The following FBXL12 variants were observed in gnomAD, a reference collection of about 807,000 sequenced individuals.
The protein encoded by FBXL12 is F-box/LRR-repeat protein 12.
Under a neutral mutation model 24.9 loss-of-function variants are expected in FBXL12, and 22 were observed. The observed-to-expected ratio is 0.88, with a 90% CI of 0.63 to 1.26. The LOEUF is 1.26. Among genes scored for constraint, FBXL12 ranks in the 50% most tolerant of loss-of-function variants. FBXL12 has a pLI of 0.00. For missense variants in FBXL12, 384 were observed against 434.1 expected (o/e 0.88, Z 1.03); for synonymous variants, 193 against 193.8 (o/e 1.00, Z 0.03).
Position 9,811,282 on chromosome 19 carries a change from G to A in FBXL12, c.595C>T (p.Gln199Ter), listed in dbSNP as rs1390864333. ...AGCCTCTGCAGATAGCTGAGCTCCTGCAGGCCAGCATCCAGCCCTGTCTCG... is the reference window on the plus strand; with the variant it reads ...AGCCTCTGCAGATAGCTGAGCTCCTACAGGCCAGCATCCAGCCCTGTCTCG... ...VTETGLDAGLQELSYLQRLEV... is the reference protein window; with the variant it reads ...VTETGLDAGL The change falls in exon 3 of 3, where the codon CAG (glutamine) becomes TAG (stop). Residue 199 changes from glutamine to a stop codon, truncating the protein, a stop_gained. Transcript: ENST00000247977. LOFTEE classifies it high-confidence loss of function. This position sits in a 1 kb window ranked among gnomAD's most constrained non-coding sequence, Gnocchi z 6.0. 3 of 1,610,124 alleles carry A rather than the reference G, an allele frequency of 1.9e-6. No homozygotes were observed. Among genetic ancestry groups the A allele is most frequent in the Admixed American group, 1.7e-5 (1 of 60,026 alleles).
chr19:9,812,776 A>AC lies in FBXL12; in HGVS notation c.160-1060_160-1059insG, dbSNP rs1015231848. Among the ~76,000 whole-genome samples the AC allele has an allele frequency of 1.8e-4, 27 of 148,436 alleles. No homozygotes were observed. In the South Asian group the frequency reaches 2.1e-3, roughly 11 times the overall value. Reference sequence around the variant, plus strand: ...GTCTATGTTAAAAAAAAAAAAAAAAAAACAACAAATGAAAAGGCTGGGCAC... The same window carrying AC: ...GTCTATGTTAAAAAAAAAAAAAAAAACAACAACAAATGAAAAGGCTGGGCAC... On this transcript the variant is annotated intron_variant, in intron 2 of 2. Transcript: ENST00000247977.
chr19:9,811,204 G>A lies in FBXL12; in HGVS notation c.673C>T (p.Arg225Cys), dbSNP rs140944467. 2,816 of 1,613,204 alleles carry A rather than the reference G, an allele frequency of 1.7e-3. 3 individuals carry two copies. Among genetic ancestry groups the A allele is most frequent in the Middle Eastern group, 3.5e-3 (21 of 6,060 alleles). ...SADSTLLAIS[R>C]HLRDVRKIRL... ...ATCTTGCGCACATCTCGGAGGTGGC[G>A]GCTGATGGCCAGCAGGGTGCTGTCG... is the stretch of plus-strand genomic sequence containing the variant. Residue 225 changes from arginine (R) to cysteine (C), a missense_variant, in exon 3 of 3, where the codon CGC (arginine) becomes TGC (cysteine). By Grantham distance (180) the Arg-to-Cys change is radical. Transcript: ENST00000247977. The surrounding 1 kb of genome is among the most constrained non-coding windows in gnomAD (Gnocchi z 6.0).
intron 2 of FBXL12, among the ~76,000 whole-genome samples, chr19:9,816,704 G>A (rs1039182220): frequency 6.6e-5 from 10 of 152,144 alleles, no homozygotes; most frequent in Non-Finnish European, 1.3e-4. Context: ...CCCCCATACT[G>A]TTCCAACCTC....
chr19:9,813,081 A>AT, intron 2 of FBXL12: 2 of 431,388 alleles, frequency 4.6e-6, no homozygotes, highest in African/African-American at 2.0e-5. Flanking sequence ...CAAAAAAAAA[A>AT]ATATATCAAA....
At chr19:9,812,399 C>T (rs1314550079) in intron 2 of FBXL12, among the ~76,000 whole-genome samples, 7 of 151,782 alleles carry the variant, frequency 4.6e-5, no homozygotes, top group Admixed American at 4.6e-4. Flanking sequence ...GGCGTGGTGG[C>T]AAGCACCTGT....
chr19:9,813,986 C>T (rs2045821444), intron 2 of FBXL12, among the ~76,000 whole-genome samples: 1 of 152,122 alleles, frequency 6.6e-6, no homozygotes, highest in Non-Finnish European at 1.5e-5. Flanking sequence ...AAGAAAATAG[C>T]TTATCATCAA....
Position 9,811,521 on chromosome 19 carries a change from A to C in FBXL12, c.356T>G (p.Ile119Ser), listed in dbSNP as rs2045751786. ...LHVADLSMVPITSLPSTLRTL... is the reference protein window; with the variant it reads ...LHVADLSMVPSTSLPSTLRTL... ...CCTCAAGGTGCTGGGCAGGCTGGTG[A>C]TGGGCACCATGCTCAGGTCGGCCAC... Residue 119 changes from isoleucine to serine, a missense_variant, in exon 3 of 3, where the codon ATC becomes AGC. By Grantham distance (142) the Ile-to-Ser change is moderately radical. Coordinates refer to ENST00000247977, the MANE Select transcript of FBXL12 (RefSeq NM_017703.3). This position sits in a 1 kb window ranked among gnomAD's most constrained non-coding sequence, Gnocchi z 6.0. 6.2e-7 allele frequency: 1 copy of C among 1,613,048 alleles called. No homozygotes were observed. Among genetic ancestry groups the C allele is most frequent in the Non-Finnish European group, 8.5e-7 (1 of 1,179,528 alleles).
intron 2 of FBXL12, among the ~76,000 whole-genome samples, chr19:9,815,900 T>C (rs2045872425): frequency 6.6e-6 from 1 of 152,182 alleles, no homozygotes; most frequent in South Asian, 2.1e-4. Flanking sequence ...CCGCCTGCCT[T>C]GGCCTCCCAA....
chr19:9,818,614 G>A lies in FBXL12; in HGVS notation c.90C>T (p.Val30=). 6.4e-7 allele frequency: 1 copy of A among 1,554,258 alleles called. No homozygotes were observed. The highest frequency in any genetic ancestry group is 8.7e-7 in the Non-Finnish European group (1 of 1,149,240). Residue 30 remains valine (V), a synonymous_variant, in exon 2 of 3, where the codon GTC becomes GTT. Coordinates refer to ENST00000247977, the MANE Select transcript of FBXL12 (RefSeq NM_017703.3). ...CCACCAGCCTCTTCCAGCGGTGACA[G>A]ACCCTGGGGGAGGGGACGCGCGGTT... ...PVRDRIRISR[V]CHRWKRLVDD...
Position 9,811,716 on chromosome 19 carries a change from A to G in FBXL12, c.161T>C (p.Met54Thr), listed in dbSNP as rs1467393322. 2.0e-6 allele frequency: 3 copies of G among 1,509,310 alleles called. No individual in the cohort carries two copies. Among genetic ancestry groups the G allele is most frequent in the Non-Finnish European group, 2.7e-6 (3 of 1,129,030 alleles). The allele number at this position is 1,509,310 out of a possible 1,614,324, so 93.5% of individuals were successfully genotyped here. ...WRHVDLTLYTMRPKVMWHLLR... is the reference protein window; with the variant it reads ...WRHVDLTLYTTRPKVMWHLLR... Reference sequence around the variant, plus strand: ...GAGGTGCCACATGACTTTAGGTCGCATCTGTAAGAGCCAGAGATTGGGGTG... The same window carrying G: ...GAGGTGCCACATGACTTTAGGTCGCGTCTGTAAGAGCCAGAGATTGGGGTG... The change falls in exon 3 of 3, where the codon ATG (methionine) becomes ACG (threonine). Residue 54 changes from methionine to threonine, a missense_variant and splice_region_variant. Met to Thr is a moderately conservative substitution (Grantham distance 81, BLOSUM62 -1). Transcript: ENST00000247977. This position sits in a 1 kb window ranked among gnomAD's most constrained non-coding sequence, Gnocchi z 6.0.
intron 2 of FBXL12, chr19:9,813,215 AAGTT>A (rs1466126915): frequency 4.9e-6 from 6 of 1,228,988 alleles, no homozygotes; most frequent in African/African-American, 1.6e-5. Flanking sequence ...TAAAAAGAAA[AAGTT>A]AGCATGCTTA....
rs2045719998 is a variant in FBXL12 at position 9,810,634 on chromosome 19, T to C, written c.*262A>G. On this transcript the variant is annotated 3_prime_UTR_variant, in exon 3 of 3. Transcript: ENST00000247977. ...GCTGGGAGCTTTTAGAGTAAGGCTT[T>C]GCAATGTAACCGTGAGGTAGCTATG... 5.4e-6 allele frequency: 2 copies of C among 369,972 alleles called. No homozygotes were observed. Among genetic ancestry groups the C allele is most frequent in the Non-Finnish European group, 4.9e-6 (1 of 203,352 alleles). The allele number at this position is 369,972 out of a possible 1,614,324, so 22.9% of individuals were successfully genotyped here.
intron 2 of FBXL12, 168 bp downstream of exon 2, chr19:9,818,375 CCT>C: frequency 1.5e-6 from 1 of 676,682 alleles, no homozygotes; most frequent in South Asian, 1.9e-5. Flanking sequence ...AAATTGAGGC[CCT>C]GAGGTCGAAG....
At chr19:9,816,921 G>A (rs949135771) in intron 2 of FBXL12, among the ~76,000 whole-genome samples, 42 of 152,238 alleles carry the variant, frequency 2.8e-4, no homozygotes, top group Non-Finnish European at 5.3e-4. Context: ...GGTGAAAGGC[G>A]CTTCTTAACA....
chr19:9,811,755 T>C lies in FBXL12; in HGVS notation c.160-38A>G. On this transcript the variant is annotated intron_variant, in intron 2 of 2. Transcript: ENST00000247977. This position sits in a 1 kb window ranked among gnomAD's most constrained non-coding sequence, Gnocchi z 6.0. ...GAGATTGGGGTGACAGAGTGAGAGG[T>C]ATGGAGCTTCCAAGGCCCCTGCTGG... 5 of 1,481,972 alleles carry C rather than the reference T, an allele frequency of 3.4e-6. No homozygotes were observed. In the Admixed American group the frequency reaches 1.2e-4, roughly 35 times the overall value. 91.8% of individuals were successfully genotyped at this position (1,481,972 alleles called of 1,614,324 possible).
chr19:9,817,778 C>G (rs947778414), intron 2 of FBXL12, among the ~76,000 whole-genome samples: 6 of 152,102 alleles, frequency 3.9e-5, no homozygotes, highest in African/African-American at 1.4e-4. Flanking sequence ...ACAGCATTAC[C>G]CGAAGTTCAG....
chr19:9,810,805 G>T lies in FBXL12; in HGVS notation c.*91C>A. Reference sequence around the variant, plus strand: ...AACCTGGGGCTTTCAGTTTCCTCAAGTCTGATTATCTGCCCTCTTCAAGGT... The same window carrying T: ...AACCTGGGGCTTTCAGTTTCCTCAATTCTGATTATCTGCCCTCTTCAAGGT... On this transcript the variant is annotated 3_prime_UTR_variant, in exon 3 of 3. Coordinates refer to ENST00000247977, the MANE Select transcript of FBXL12 (RefSeq NM_017703.3). The T allele has an allele frequency of 9.5e-7, 1 of 1,053,998 alleles. No homozygotes were observed. 65.3% of individuals were successfully genotyped at this position (1,053,998 alleles called of 1,614,324 possible).
Position 9,818,598 on chromosome 19 carries a change from T to C in FBXL12, c.106A>G (p.Arg36Gly). 6.4e-7 allele frequency: 1 copy of C among 1,556,012 alleles called. No individual in the cohort carries two copies. The highest frequency in any genetic ancestry group is 1.2e-5 in the South Asian group (1 of 84,864). The change falls in exon 2 of 3, where the codon AGG (arginine) becomes GGG (glycine). Residue 36 changes from arginine (R) to glycine (G), a missense_variant. Arg to Gly is a moderately radical substitution (Grantham distance 125). Transcript: ENST00000247977. ...RISRVCHRWKRLVDDRWLWRH... is the reference protein window; with the variant it reads ...RISRVCHRWKGLVDDRWLWRH... ...CACAGCCACCGGTCGTCCACCAGCCTCTTCCAGCGGTGACAGACCCTGGGG... is the reference window on the plus strand; with the variant it reads ...CACAGCCACCGGTCGTCCACCAGCCCCTTCCAGCGGTGACAGACCCTGGGG...
At position 9,811,331 on chromosome 19, in the gene FBXL12, C is replaced by T; in HGVS notation, c.546G>A (p.Val182=). 6.2e-7 allele frequency: 1 copy of T among 1,609,504 alleles called. No individual in the cohort carries two copies. ...CGGTCACACGGTAGGTACCACCCAG[C>T]ACCAGCGAGCGCAAGGCCCGGAAGC... ...LTRFRALRSL[V]LGGTYRVTET... The change falls in exon 3 of 3, where the codon GTG becomes GTA. Residue 182 remains valine, a synonymous_variant. Transcript: ENST00000247977. The surrounding 1 kb of genome is among the most constrained non-coding windows in gnomAD (Gnocchi z 6.0).
Sources: gnomAD v4.1 joint callset for allele counts (sites outside exome capture counted in the v4.1 genomes callset) on GRCh38, gnomAD v4.1.1 for gene constraint, Gnocchi (gnomAD v3.1) non-coding constraint, MANE v1.5 for transcripts, NCBI Gene and HGNC (gene_info 2026-07-23, HGNC 2026-07-21) for gene names.